FARS2: variants seen among roughly 807,000 people sequenced by gnomAD.
FARS2 encodes the protein phenylalanyl-tRNA synthetase 2, mitochondrial.
FARS2 carries 40 observed loss-of-function variants against 46.4 expected under a neutral mutation model. The observed-to-expected ratio is 0.86, with a 90% CI of 0.67 to 1.12. The LOEUF (loss-of-function observed/expected upper bound fraction) is 1.12, where lower values mean the gene tolerates loss of function less well. Ranked by LOEUF, FARS2 falls within the 50% of genes most tolerant of loss-of-function variation. The probability of loss-of-function intolerance (pLI) is 0.00; values close to 1 mark genes in which losing one functional copy is unlikely to be tolerated. For missense variants in FARS2, 513 were observed against 567.9 expected (o/e 0.90, Z 0.98); for synonymous variants, 234 against 214.9 (o/e 1.09, Z -0.78).
At chr6:5,354,207 T>C (rs1371031093) in intron 1 of FARS2, among the ~76,000 whole-genome samples, 1 of 152,122 alleles carries the variant, frequency 6.6e-6, no homozygotes, top group Non-Finnish European at 1.5e-5. Context: ...CCCAATTTCA[T>C]TGAAACTACT....
At position 5,341,257 on chromosome 6, in the gene FARS2, T is replaced by TTTTTTTTC. The variant is rs552538194; in HGVS notation, c.-21-27293_-21-27292insTTTTTTTC. On this transcript the variant is annotated intron_variant, in intron 1 of 6. Transcript: ENST00000274680. ...TATATTTTTTTTTTTTTTTTTTTTT[T>TTTTTTTTC]CCCTGTGAGAGCAGTTGTTTTGAGA... Among the ~76,000 whole-genome samples the TTTTTTTTC allele has an allele frequency of 6.0e-4, 34 of 56,684 alleles. 7 individuals carry two copies. Among genetic ancestry groups the TTTTTTTTC allele is most frequent in the African/African-American group, 6.8e-4 (9 of 13,174 alleles). 37.2% of individuals were successfully genotyped at this position (56,684 alleles called of 152,430 possible).
intron 3 of FARS2, among the ~76,000 whole-genome samples, chr6:5,411,844 T>C (rs1761957378): frequency 6.6e-6 from 1 of 152,262 alleles, no homozygotes; most frequent in African/African-American, 2.4e-5. Flanking sequence ...TTGTCATTTT[T>C]AATATTTCTC....
intron 6 of FARS2, among the ~76,000 whole-genome samples, chr6:5,682,855 A>T (rs929140527): frequency 3.9e-5 from 6 of 152,212 alleles, no homozygotes; most frequent in Non-Finnish European, 8.8e-5. Flanking sequence ...TGGGGCAGAG[A>T]GTGAAGTGAA....
chr6:5,574,029 T>C (rs1465722469), intron 5 of FARS2, among the ~76,000 whole-genome samples: 1 of 152,232 alleles, frequency 6.6e-6, no homozygotes, highest in Admixed American at 6.5e-5. Context: ...GGCAAACTTT[T>C]TCCAAGGAAC....
At chr6:5,293,983 C>G (rs1767678022) in intron 1 of FARS2, among the ~76,000 whole-genome samples, 1 of 152,214 alleles carries the variant, frequency 6.6e-6, no homozygotes, top group Non-Finnish European at 1.5e-5. Flanking sequence ...AATGTTTAAA[C>G]TTAAACACAC....
chr6:5,450,540 C>T (rs907173654), intron 4 of FARS2, among the ~76,000 whole-genome samples: 1 of 152,000 alleles, frequency 6.6e-6, no homozygotes, highest in Non-Finnish European at 1.5e-5. Context: ...TCCTTATTTA[C>T]GGATACAGAA....
intron 6 of FARS2, among the ~76,000 whole-genome samples, chr6:5,614,436 G>A (rs1775356259): frequency 7.0e-6 from 1 of 142,278 alleles, no homozygotes; most frequent in Non-Finnish European, 1.5e-5. Context: ...TTGAGACGGA[G>A]TCTCGCTCTG....
chr6:5,394,623 A>G (rs1374781520), intron 2 of FARS2, among the ~76,000 whole-genome samples: 1 of 152,148 alleles, frequency 6.6e-6, no homozygotes, highest in Non-Finnish European at 1.5e-5. Context: ...CTAAGTACCT[A>G]ATTAGAAAAT....
intron 6 of FARS2, among the ~76,000 whole-genome samples, chr6:5,672,209 C>T (rs139984248): frequency 3.3e-5 from 5 of 152,194 alleles, no homozygotes; most frequent in South Asian, 4.2e-4. Context: ...GTTTCCTCAC[C>T]GACCCAAAGT....
rs958168345 is a variant in FARS2 at position 5,606,977 on chromosome 6, C to T, written c.1066-6192C>T. ...TTTCTGCTCCAGAGGGAGAGACTAA[C>T]CATCTTCCAGTGCTATTTGGTGTAC... On this transcript the variant is annotated intron_variant, in intron 5 of 6. Transcript: ENST00000274680. 1.4e-4 allele frequency among the ~76,000 whole-genome samples: 21 copies of T among 152,244 alleles called. 1 individual carries two copies. Among genetic ancestry groups the T allele is most frequent in the African/African-American group, 5.1e-4 (21 of 41,552 alleles).
At chr6:5,276,334 T>C (rs1017143943) in intron 1 of FARS2, among the ~76,000 whole-genome samples, 3 of 152,086 alleles carry the variant, frequency 2.0e-5, no homozygotes, top group Non-Finnish European at 4.4e-5. Context: ...GTATCATAGG[T>C]TTTTTCACAT....
chr6:5,259,992 T>C (rs1764916991), upstream of FARS2, among the ~76,000 whole-genome samples: 1 of 152,136 alleles, frequency 6.6e-6, no homozygotes, highest in Non-Finnish European at 1.5e-5. Flanking sequence ...ATGTGTTATA[T>C]TAAAGATGTG....
At chr6:5,445,241 A>G (rs1764117723) in intron 4 of FARS2, among the ~76,000 whole-genome samples, 1 of 152,100 alleles carries the variant, frequency 6.6e-6, no homozygotes, top group Non-Finnish European at 1.5e-5. Context: ...TTTTATTTAA[A>G]CTATTTATGA....
At chr6:5,505,806 G>T (rs916427139) in intron 4 of FARS2, among the ~76,000 whole-genome samples, 1 of 152,166 alleles carries the variant, frequency 6.6e-6, no homozygotes, top group Non-Finnish European at 1.5e-5. Flanking sequence ...AAAACAGTAT[G>T]TTTGATATCC....
chr6:5,510,029 T>C (rs2150400120), intron 4 of FARS2, among the ~76,000 whole-genome samples: 1 of 152,260 alleles, frequency 6.6e-6, no homozygotes, highest in South Asian at 2.1e-4. Flanking sequence ...GGCTGGGGAT[T>C]AAGGAGAGTG....
intron 4 of FARS2, among the ~76,000 whole-genome samples, chr6:5,504,625 A>G (rs921921096): frequency 6.6e-6 from 1 of 152,180 alleles, no homozygotes; most frequent in Non-Finnish European, 1.5e-5. Context: ...AAAATTACTG[A>G]CACCAAGCTC....
At chr6:5,404,769 G>C in intron 3 of FARS2, 68 bp downstream of exon 3, 1 of 977,858 alleles carries the variant, frequency 1.0e-6, no homozygotes, top group African/African-American at 1.7e-5. Context: ...TTTTGGATTT[G>C]GGTTTTTTTT....
At chr6:5,694,538 T>C (rs1757972523) in intron 6 of FARS2, among the ~76,000 whole-genome samples, 1 of 152,204 alleles carries the variant, frequency 6.6e-6, no homozygotes, top group Admixed American at 6.5e-5. Context: ...TTTTATATTT[T>C]ATATATTTTT....
intron 4 of FARS2, among the ~76,000 whole-genome samples, chr6:5,445,816 A>C (rs1222555867): frequency 3.3e-5 from 5 of 152,212 alleles, no homozygotes; most frequent in African/African-American, 1.2e-4. Flanking sequence ...GGACATGCCC[A>C]TCCATTGGCT....
Sources: allele counts gnomAD v4.1 joint callset (sites outside exome capture counted in the v4.1 genomes callset), GRCh38; gene constraint gnomAD v4.1.1; transcripts MANE v1.5; gene names NCBI Gene and HGNC (gene_info 2026-07-23, HGNC 2026-07-21).